RANBP17: variants seen among roughly 807,000 people sequenced by gnomAD.
The protein encoded by RANBP17 is RAN binding protein 17, also known as ran-binding protein 17.
A neutral mutation model predicts 141.2 loss-of-function variants in RANBP17; 158 were observed. That is an observed-to-expected ratio of 1.12 (90% CI 0.98 to 1.28). The LOEUF (loss-of-function observed/expected upper bound fraction) is 1.28, where lower values mean the gene tolerates loss of function less well. Among genes scored for constraint, RANBP17 ranks in the 50% most tolerant of loss-of-function variants. The pLI is 0.00. For missense variants in RANBP17, 1,438 were observed against 1,290.7 expected (o/e 1.11, Z -1.75); for synonymous variants, 430 against 450.0 (o/e 0.96, Z 0.56).
At chr5:171,068,063 AT>A in intron 14 of RANBP17, among the ~76,000 whole-genome samples, 1 of 151,286 alleles carries the variant, frequency 6.6e-6, no homozygotes, top group Non-Finnish European at 1.5e-5. Context: ...TGGACTGTTT[AT>A]TTTTCTTCAT....
At chr5:171,161,579 G>A (rs570998276) in intron 14 of RANBP17, 1 of 177,580 alleles carries the variant, frequency 5.6e-6, no homozygotes, top group African/African-American at 2.4e-5. Flanking sequence ...TTAAGTGTAG[G>A]CATGCATTGT....
At chr5:171,022,027 C>A (rs556595118) in intron 14 of RANBP17, among the ~76,000 whole-genome samples, 83 of 152,020 alleles carry the variant, frequency 5.5e-4, no homozygotes, top group South Asian at 3.5e-3. Context: ...ATATTCAGGT[C>A]CCTCCTCTGT....
At chr5:171,251,164 G>A (rs1765534707) in intron 24 of RANBP17, among the ~76,000 whole-genome samples, 1 of 152,134 alleles carries the variant, frequency 6.6e-6, no homozygotes. Flanking sequence ...TCATGGCTCA[G>A]TGCAGCCTTG....
intron 13 of RANBP17, among the ~76,000 whole-genome samples, chr5:170,965,450 GT>G (rs1202850361): frequency 6.6e-6 from 1 of 152,144 alleles, no homozygotes; most frequent in Non-Finnish European, 1.5e-5. Flanking sequence ...TGCTTTTGGT[GT>G]TTTAGAAATG....
chr5:170,911,734 G>A (rs1771543677), intron 7 of RANBP17, among the ~76,000 whole-genome samples: 1 of 151,842 alleles, frequency 6.6e-6, no homozygotes, highest in Non-Finnish European at 1.5e-5. Flanking sequence ...TATCTTTCAG[G>A]GTTATAAAGA....
At chr5:171,196,967 C>G (rs1762015260) in intron 18 of RANBP17, among the ~76,000 whole-genome samples, 1 of 152,078 alleles carries the variant, frequency 6.6e-6, no homozygotes, top group South Asian at 2.1e-4. Context: ...CTTAGATAAA[C>G]TTTGTAATTT....
intron 1 of RANBP17, among the ~76,000 whole-genome samples, chr5:170,865,775 G>A (rs988300781): frequency 6.6e-6 from 1 of 152,146 alleles, no homozygotes; most frequent in African/African-American, 2.4e-5. Flanking sequence ...ACCACCCTCA[G>A]GTTCAGTAGT....
intron 16 of RANBP17, among the ~76,000 whole-genome samples, chr5:171,173,732 A>G (rs868527876): frequency 6.6e-6 from 1 of 152,052 alleles, no homozygotes; most frequent in Non-Finnish European, 1.5e-5. Flanking sequence ...TTAAAACACA[A>G]ATTGTTAGGC....
At position 170,978,618 on chromosome 5, in the gene RANBP17, A is replaced by G. The variant is rs192941035; in HGVS notation, c.1710+10241A>G. On this transcript the variant is annotated intron_variant, in intron 14 of 27. Transcript: ENST00000523189. ...AGAATGAAAAAGATCAAAAGTGTAC[A>G]TATTTTATTATTCCACTTACCAATT... Among the ~76,000 whole-genome samples, 247 of 152,320 alleles carry G rather than the reference A, an allele frequency of 1.6e-3. 4 individuals carry two copies. The South Asian group carries it at 0.025, about 16-fold the overall frequency.
intron 22 of RANBP17, among the ~76,000 whole-genome samples, chr5:171,228,831 A>AT (rs972081808): frequency 6.6e-6 from 1 of 152,168 alleles, no homozygotes. Flanking sequence ...GCAATAAAAC[A>AT]TTTTTAATTA....
At chr5:171,041,107 T>C (rs1373160679) in intron 14 of RANBP17, among the ~76,000 whole-genome samples, 3 of 152,130 alleles carry the variant, frequency 2.0e-5, no homozygotes, top group African/African-American at 7.2e-5. Context: ...CTCACCTCCT[T>C]GCCACATGAA....
intron 5 of RANBP17, chr5:170,904,069 T>A: frequency 2.2e-6 from 1 of 452,070 alleles, no homozygotes; most frequent in Non-Finnish European, 4.3e-6. Flanking sequence ...AGTCTTTACC[T>A]CACCTGTGTG....
At chr5:170,955,320 A>G (rs1357360675) in intron 13 of RANBP17, among the ~76,000 whole-genome samples, 1 of 151,728 alleles carries the variant, frequency 6.6e-6, no homozygotes, top group Non-Finnish European at 1.5e-5. Context: ...TTTGGTTACT[A>G]GTAGAATCAA....
intron 14 of RANBP17, among the ~76,000 whole-genome samples, chr5:171,049,563 G>A (rs1468476112): frequency 1.3e-5 from 2 of 152,070 alleles, no homozygotes; most frequent in African/African-American, 2.4e-5. Context: ...GTACAGAATG[G>A]CATTTTCTAG....
intron 24 of RANBP17, among the ~76,000 whole-genome samples, chr5:171,262,174 G>T (rs1041867484): frequency 1.7e-4 from 26 of 152,112 alleles, no homozygotes; most frequent in African/African-American, 6.0e-4. Flanking sequence ...ATAGCATATT[G>T]CTTTTCACTG....
intron 20 of RANBP17, among the ~76,000 whole-genome samples, chr5:171,211,628 G>GTT (rs1226824979): frequency 3.4e-4 from 43 of 126,096 alleles, no homozygotes; most frequent in East Asian, 6.8e-4. Context: ...TGAGGGCAGG[G>GTT]TTTTTTTTTT....
intron 22 of RANBP17, among the ~76,000 whole-genome samples, chr5:171,234,169 TC>T (rs1764385560): frequency 6.6e-6 from 1 of 152,098 alleles, no homozygotes. Flanking sequence ...AGTAAAGACT[TC>T]CAGTAAATGA....
chr5:171,170,695 A>T (rs2127882724), intron 15 of RANBP17, among the ~76,000 whole-genome samples: 1 of 152,222 alleles, frequency 6.6e-6, no homozygotes, highest in East Asian at 1.9e-4. Flanking sequence ...TCTAGTCATA[A>T]CTTTGTACAC....
chr5:171,199,601 C>A, intron 18 of RANBP17, 69 bp from the exon 19 acceptor site: 1 of 921,264 alleles, frequency 1.1e-6, no homozygotes, highest in Non-Finnish European at 1.7e-6. Context: ...AAATGAAGCA[C>A]TCAATGCTGA....
Sources: gnomAD v4.1 joint callset for allele counts (sites outside exome capture counted in the v4.1 genomes callset) on GRCh38, gnomAD v4.1.1 for gene constraint, MANE v1.5 for transcripts, NCBI Gene and HGNC (gene_info 2026-07-23, HGNC 2026-07-21) for gene names.